Variants in NRG3 observed in about 807,000 individuals in gnomAD.
NRG3 encodes neuregulin 3.
In NRG3, 31 loss-of-function variants were observed where a neutral mutation model predicts 66.9. The ratio of observed to expected loss-of-function variants is 0.46; its 90% CI spans 0.35 to 0.63. The LOEUF (loss-of-function observed/expected upper bound fraction) is 0.63. Ranked by LOEUF, NRG3 falls within the 20% of genes least tolerant of loss-of-function variation. NRG3 has a pLI of 0.00. For synonymous variants in NRG3, 393 were observed against 359.4 expected (o/e 1.09, Z -1.06); for missense variants, 910 against 878.9 (o/e 1.04, Z -0.45).
chr10:82,654,167 C>A (rs534109572), intron 2 of NRG3, among the ~76,000 whole-genome samples: 22 of 152,194 alleles, frequency 1.4e-4, no homozygotes, highest in African/African-American at 5.1e-4. Context: ...GGACATGACC[C>A]CTTTCCCTCT....
chr10:82,160,484 A>G (rs2071502893), intron 1 of NRG3, among the ~76,000 whole-genome samples: 1 of 151,676 alleles, frequency 6.6e-6, no homozygotes, highest in Non-Finnish European at 1.5e-5. Flanking sequence ...TGGATTTTGT[A>G]AGGAATTTCT....
chr10:82,719,176 G>A (rs2057148412), intron 2 of NRG3, among the ~76,000 whole-genome samples: 1 of 152,142 alleles, frequency 6.6e-6, no homozygotes, highest in East Asian at 1.9e-4. Context: ...ATGCAGTTGT[G>A]TGAGAGTGAG....
intron 2 of NRG3, among the ~76,000 whole-genome samples, chr10:82,699,690 T>C (rs2055700249): frequency 6.6e-6 from 1 of 152,124 alleles, no homozygotes; most frequent in South Asian, 2.1e-4. Flanking sequence ...CTGTCTCTCT[T>C]ATTTTAGCCT....
intron 2 of NRG3, among the ~76,000 whole-genome samples, chr10:82,710,797 A>AT (rs1044124894): frequency 6.7e-5 from 10 of 149,954 alleles, no homozygotes; most frequent in South Asian, 2.1e-4. Context: ...TTTGCTTATG[A>AT]TTTTTTTACT....
chr10:82,919,085 GTGTGTGTGTGTGTGTA>G (rs1298384651), intron 4 of NRG3, among the ~76,000 whole-genome samples: 84 of 149,586 alleles, frequency 5.6e-4, no homozygotes, highest in South Asian at 1.7e-3. Context: ...GTGTGTGTGT[GTGTGTGTGTGTGTGTA>G]TGTGTGTGTG....
chr10:82,913,275 A>G (rs928811998), intron 4 of NRG3, among the ~76,000 whole-genome samples: 2 of 152,082 alleles, frequency 1.3e-5, no homozygotes, highest in African/African-American at 4.8e-5. Context: ...ATCCCTTATA[A>G]CATTGCTGTC....
At chr10:82,837,000 T>G (rs910694840) in intron 3 of NRG3, among the ~76,000 whole-genome samples, 3 of 152,188 alleles carry the variant, frequency 2.0e-5, no homozygotes, top group African/African-American at 7.2e-5. Context: ...GTGTTTGGTT[T>G]TTTGTCCTTG....
chr10:82,554,210 C>A (rs541097818), intron 2 of NRG3, among the ~76,000 whole-genome samples: 4 of 152,060 alleles, frequency 2.6e-5, no homozygotes, highest in Non-Finnish European at 4.4e-5. Context: ...TGAAAACTAG[C>A]CCCAGCACAG....
chr10:82,136,614 A>G (rs1178693922), intron 1 of NRG3, among the ~76,000 whole-genome samples: 1 of 152,076 alleles, frequency 6.6e-6, no homozygotes, highest in African/African-American at 2.4e-5. Context: ...ATAGTTATCA[A>G]TGTTCTGGGT....
At chr10:81,923,157 T>C (rs1391192852) in intron 1 of NRG3, among the ~76,000 whole-genome samples, 1 of 151,892 alleles carries the variant, frequency 6.6e-6, no homozygotes, top group Non-Finnish European at 1.5e-5. Flanking sequence ...TATCTCTTAA[T>C]GAGATTAGAA....
chr10:82,745,089 A>C (rs772179471), intron 3 of NRG3, among the ~76,000 whole-genome samples: 5 of 152,164 alleles, frequency 3.3e-5, no homozygotes, highest in Admixed American at 6.5e-5. Flanking sequence ...CATGATTGCT[A>C]AGGAAATATA....
At chr10:82,419,816 C>T (rs1208746951) in intron 2 of NRG3, among the ~76,000 whole-genome samples, 1 of 151,988 alleles carries the variant, frequency 6.6e-6, no homozygotes, top group Non-Finnish European at 1.5e-5. Context: ...ACATATTGAC[C>T]CTGTTTTTCC....
At chr10:82,469,521 A>G (rs573107202) in intron 2 of NRG3, among the ~76,000 whole-genome samples, 2 of 151,458 alleles carry the variant, frequency 1.3e-5, no homozygotes, top group African/African-American at 4.9e-5. Context: ...TCTGATGAGG[A>G]ATGTGCATGA....
chr10:82,837,881 T>C (rs1466570235), intron 3 of NRG3, among the ~76,000 whole-genome samples: 1 of 152,150 alleles, frequency 6.6e-6, no homozygotes, highest in Non-Finnish European at 1.5e-5. Context: ...TAGGGAGTCA[T>C]AGGATAAGGC....
Position 81,935,743 on chromosome 10 carries a change from C to G in NRG3, c.823+59580C>G, listed in dbSNP as rs112230445. 5.0e-3 allele frequency among the ~76,000 whole-genome samples: 761 copies of G among 152,302 alleles called. 7 individuals carry two copies. Among genetic ancestry groups the G allele is most frequent in the African/African-American group, 0.017 (711 of 41,570 alleles). The stretch of plus-strand genomic sequence containing the variant: ...ATTCATATCCCTGCTTCAGGACCAC[C>G]TCCTCTGAGGAGCCTTCCTGACCAA... On this transcript the variant is annotated intron_variant, in intron 1 of 8. Coordinates refer to ENST00000372141, the MANE Select transcript of NRG3 (RefSeq NM_001010848.4).
intron 1 of NRG3, among the ~76,000 whole-genome samples, chr10:82,236,710 CTTTT>C (rs370359467): frequency 1.1e-5 from 1 of 93,506 alleles, no homozygotes; most frequent in African/African-American, 4.3e-5. Context: ...AAAACTAGAA[CTTTT>C]TTTTTTTTTT....
chr10:82,748,342 C>T (rs941154530), intron 3 of NRG3, among the ~76,000 whole-genome samples: 1 of 150,954 alleles, frequency 6.6e-6, no homozygotes, highest in Non-Finnish European at 1.5e-5. Flanking sequence ...CTAGGGTGAC[C>T]ATATAACTTA....
intron 1 of NRG3, among the ~76,000 whole-genome samples, chr10:82,164,606 G>T (rs1590370506): frequency 1.3e-5 from 2 of 152,260 alleles, no homozygotes; most frequent in African/African-American, 4.8e-5. Context: ...GCTGTATGGA[G>T]AATGGATTTT....
chr10:82,051,171 G>A (rs370759296), intron 1 of NRG3, among the ~76,000 whole-genome samples: 2 of 151,900 alleles, frequency 1.3e-5, no homozygotes, highest in African/African-American at 2.4e-5. Flanking sequence ...TTGATTTTTT[G>A]CTTCCTATTT....
Sources: gnomAD v4.1 joint callset for allele counts (sites outside exome capture counted in the v4.1 genomes callset) on GRCh38, gnomAD v4.1.1 for gene constraint, MANE v1.5 for transcripts, NCBI Gene and HGNC (gene_info 2026-07-23, HGNC 2026-07-21) for gene names.